Variants in LRRC14 observed in about 807,000 individuals in gnomAD.
LRRC14 encodes leucine rich repeat containing 14.
In LRRC14, 16 loss-of-function variants were observed where a neutral mutation model predicts 25.3. The observed-to-expected ratio is 0.63, with a 90% CI of 0.43 to 0.96. The LOEUF (loss-of-function observed/expected upper bound fraction) is 0.96, where lower values mean the gene tolerates loss of function less well. Ranked by LOEUF, LRRC14 falls within the 40% of genes least tolerant of loss-of-function variation. The probability of loss-of-function intolerance (pLI) is 0.00; values close to 1 mark genes in which losing one functional copy is unlikely to be tolerated. For synonymous variants in LRRC14, 359 were observed against 295.1 expected, an observed-to-expected ratio of 1.22 and a Z score of -2.22; for missense variants, 594 against 660.5, an observed-to-expected ratio of 0.90 and a Z score of 1.10.
Position 144,522,898 on chromosome 8 carries a change from C to G in LRRC14, c.*1420C>G, listed in dbSNP as rs995278032. ...GGCGGGCGGCCGGAGGCGGCGGTTGCGCGGGCTGCTGCGGCTGCTGCCGGG... is the reference window on the plus strand; with the variant it reads ...GGCGGGCGGCCGGAGGCGGCGGTTGGGCGGGCTGCTGCGGCTGCTGCCGGG... On this transcript the variant is annotated 3_prime_UTR_variant, in exon 4 of 4. Transcript: ENST00000292524. 1.8e-5 allele frequency: 23 copies of G among 1,302,824 alleles called. No individual in the cohort carries two copies. The highest frequency in any genetic ancestry group is 2.2e-5 in the Non-Finnish European group (23 of 1,032,526). The allele number at this position is 1,302,824 out of a possible 1,614,324, so 80.7% of individuals were successfully genotyped here.
At position 144,521,507 on chromosome 8, in the gene LRRC14, G is replaced by A. The variant is rs753937659; in HGVS notation, c.*29G>A. 5.1e-6 allele frequency: 8 copies of A among 1,571,350 alleles called. No homozygotes were observed. Among genetic ancestry groups the A allele is most frequent in the African/African-American group, 2.7e-5 (2 of 74,374 alleles). On this transcript the variant is annotated 3_prime_UTR_variant, in exon 4 of 4. Coordinates refer to ENST00000292524, the MANE Select transcript of LRRC14 (RefSeq NM_014665.4). ...AGTAGCTCTGGGTGAGACACAGGCC[G>A]CCCTGCAGTCTCTTTAGGTAGGCAG...
At position 144,521,272 on chromosome 8, in the gene LRRC14, G is replaced by C. The variant is rs1178331948; in HGVS notation, c.1276G>C (p.Val426Leu). The change falls in exon 4 of 4, where the codon GTG (valine) becomes CTG (leucine). Residue 426 changes from valine (V) to leucine (L), a missense_variant. Transcript: ENST00000292524. ...AGTGGCACAGGCTGAGCTGCGTACT[G>C]TGGTGCACCCCTTCCCTGTGGACTG... ...DSVAQAELRT[V>L]VHPFPVDCYE... 6.2e-7 allele frequency: 1 copy of C among 1,613,056 alleles called. No homozygotes were observed. Among genetic ancestry groups the C allele is most frequent in the African/African-American group, 1.3e-5 (1 of 74,938 alleles).
Position 144,521,868 on chromosome 8 carries a change from T to G in LRRC14, c.*390T>G, listed in dbSNP as rs976481357. ...CCCTTTACTGAGAGCTCAGTGCTTCTGGGGTTGAAGTTGGACAGAGGCCTG... is the reference window on the plus strand; with the variant it reads ...CCCTTTACTGAGAGCTCAGTGCTTCGGGGGTTGAAGTTGGACAGAGGCCTG... On this transcript the variant is annotated 3_prime_UTR_variant, in exon 4 of 4. Transcript: ENST00000292524. 1 of 212,258 alleles carries G rather than the reference T, an allele frequency of 4.7e-6. No individual in the cohort carries two copies. Among genetic ancestry groups the G allele is most frequent in the Non-Finnish European group, 9.5e-6 (1 of 105,164 alleles). 13.1% of individuals were successfully genotyped at this position (212,258 alleles called of 1,614,324 possible). A position where few individuals can be genotyped will look rare whatever the true frequency, so the allele number is the denominator to read the frequency against.
Position 144,522,178 on chromosome 8 carries a change from C to T in LRRC14, c.*700C>T, listed in dbSNP as rs1262269801. ...TCGGCACTGCCGGCCAGTCCTTGCT[C>T]TTCCCACCTTTCGGAGGCCCAAGAT... On this transcript the variant is annotated 3_prime_UTR_variant, in exon 4 of 4. Coordinates refer to ENST00000292524, the MANE Select transcript of LRRC14 (RefSeq NM_014665.4). The T allele has an allele frequency of 5.2e-6, 2 of 382,094 alleles. No individual in the cohort carries two copies. Among genetic ancestry groups the T allele is most frequent in the Non-Finnish European group, 9.3e-6 (2 of 215,828 alleles). The allele number at this position is 382,094 out of a possible 1,614,324, so 23.7% of individuals were successfully genotyped here. A position where few individuals can be genotyped will look rare whatever the true frequency, so the allele number is the denominator to read the frequency against.
Position 144,520,706 on chromosome 8 carries a change from C to T in LRRC14, c.798C>T (p.Ser266=), listed in dbSNP as rs551750886. Residue 266 remains serine (S), a synonymous_variant, in exon 3 of 4, where the codon TCC becomes TCT. Coordinates refer to ENST00000292524, the MANE Select transcript of LRRC14 (RefSeq NM_014665.4). Reference sequence around the variant, plus strand: ...TGCATGGGGATTCAAGGCAGCCCTCCGTGGATGGCGAGGACAACTTCCGCT... The same window carrying T: ...TGCATGGGGATTCAAGGCAGCCCTCTGTGGATGGCGAGGACAACTTCCGCT... The part of the protein sequence containing the change: ...HYVHGDSRQP[S]VDGEDNFRYF... 9.4e-6 allele frequency: 15 copies of T among 1,599,738 alleles called. No individual in the cohort carries two copies. The highest frequency in any genetic ancestry group is 2.7e-5 in the African/African-American group (2 of 75,072).
chr8:144,524,802 C>T lies in LRRC14; in HGVS notation c.*3324C>T. 1 of 1,448,852 alleles carries T rather than the reference C, an allele frequency of 6.9e-7. No homozygotes were observed. Among genetic ancestry groups the T allele is most frequent in the Non-Finnish European group, 9.1e-7 (1 of 1,104,274 alleles). The allele number at this position is 1,448,852 out of a possible 1,614,324, so 89.7% of individuals were successfully genotyped here. On this transcript the variant is annotated 3_prime_UTR_variant, in exon 4 of 4. Transcript: ENST00000292524. ...GGGGCACCCCGTCCTCCCGCAGCTC[C>T]ACACGGTGCCCACCTGCGTCCCTGG...
Position 144,524,516 on chromosome 8 carries a change from C to T in LRRC14, c.*3038C>T. The T allele has an allele frequency of 1.3e-6, 2 of 1,594,978 alleles. No homozygotes were observed. Among genetic ancestry groups the T allele is most frequent in the Non-Finnish European group, 1.7e-6 (2 of 1,178,738 alleles). ...CCAGGTAGAGCACGCGCAGCTGGGC[C>T]AGGCCTACGAAGGCGCCGCTGCGCA... On this transcript the variant is annotated 3_prime_UTR_variant, in exon 4 of 4. Transcript: ENST00000292524.
At chr8:144,518,462 G>A (rs1815621390) in intron 1 of LRRC14, 1 of 152,444 alleles carries the variant, frequency 6.6e-6, no homozygotes, top group South Asian at 2.1e-4. Context: ...GCCTCCCTTG[G>A]TGGGCAGGCC....
rs1028228542 is a variant in LRRC14 at position 144,519,607 on chromosome 8, T to G, written c.-111-8T>G. The G allele has an allele frequency of 3.5e-6, 3 of 863,922 alleles. No individual in the cohort carries two copies. Among genetic ancestry groups the G allele is most frequent in the African/African-American group, 1.7e-5 (1 of 60,236 alleles). 53.5% of individuals were successfully genotyped at this position (863,922 alleles called of 1,614,324 possible). A position where few individuals can be genotyped will look rare whatever the true frequency, so the allele number is the denominator to read the frequency against. ...CATGGCCACTGCTAACTGCTGACTT[T>G]GTTTCAGGCACTATGCTGGGCCTTC... On this transcript the variant is annotated splice_region_variant and splice_polypyrimidine_tract_variant and intron_variant, in intron 1 of 3. Transcript: ENST00000292524.
chr8:144,521,246 CAG>C lies in LRRC14; in HGVS notation c.1251_1252del (p.Val418GlyfsTer4). 1 of 1,613,282 alleles carries C rather than the reference CAG, an allele frequency of 6.2e-7. No individual in the cohort carries two copies. The highest frequency in any genetic ancestry group is 8.5e-7 in the Non-Finnish European group (1 of 1,180,028). Reference sequence around the variant, plus strand: ...GGCCTCAAGGAGCTGCTGCGGGACTCAGTGGCACAGGCTGAGCTGCGTACTGT... The same window carrying C: ...GGCCTCAAGGAGCTGCTGCGGGACTCTGGCACAGGCTGAGCTGCGTACTGT... On this transcript the variant is annotated frameshift_variant, in exon 4 of 4. Coordinates refer to ENST00000292524, the MANE Select transcript of LRRC14 (RefSeq NM_014665.4). LOFTEE classifies it high-confidence loss of function.
In LRRC14 at chr8:144,522,379, AGCGCACACTGCGCG is replaced by A; in HGVS notation, c.*904_*917del. ...CCGGCTCGCGCCCCACACACGGCTC[AGCGCACACTGCGCG>A]GCTTCCACCTTTACTGACGGAGCAT... On this transcript the variant is annotated 3_prime_UTR_variant, in exon 4 of 4. Coordinates refer to ENST00000292524, the MANE Select transcript of LRRC14 (RefSeq NM_014665.4). The A allele has an allele frequency of 7.4e-7, 1 of 1,358,694 alleles. No homozygotes were observed. The highest frequency in any genetic ancestry group is 9.4e-7 in the Non-Finnish European group (1 of 1,061,942). 84.2% of individuals were successfully genotyped at this position (1,358,694 alleles called of 1,614,324 possible). A position where few individuals can be genotyped will look rare whatever the true frequency, so the allele number is the denominator to read the frequency against.
chr8:144,521,672 T>A lies in LRRC14; in HGVS notation c.*194T>A. On this transcript the variant is annotated 3_prime_UTR_variant, in exon 4 of 4. Transcript: ENST00000292524. Reference sequence around the variant, plus strand: ...CCCACGCGGTTTTCCCTGCACTTGCTCCATAATTGGCTGATCATCTGTGGG... The same window carrying A: ...CCCACGCGGTTTTCCCTGCACTTGCACCATAATTGGCTGATCATCTGTGGG... 1 of 607,336 alleles carries A rather than the reference T, an allele frequency of 1.6e-6. No individual in the cohort carries two copies. The highest frequency in any genetic ancestry group is 2.9e-6 in the Non-Finnish European group (1 of 347,856). 37.6% of individuals were successfully genotyped at this position (607,336 alleles called of 1,614,324 possible).
Position 144,522,750 on chromosome 8 carries a change from C to T in LRRC14, c.*1272C>T, listed in dbSNP as rs1816166552. The T allele has an allele frequency of 1.3e-6, 2 of 1,585,166 alleles. No homozygotes were observed. The highest frequency in any genetic ancestry group is 1.8e-5 in the Admixed American group (1 of 56,918). On this transcript the variant is annotated 3_prime_UTR_variant, in exon 4 of 4. Transcript: ENST00000292524. ...CTGCGGCGCCGGCGACAGATCATGG[C>T]GACCAGGAGCAGCGCCGTGAGCGCC...
rs1225389266 is a variant in LRRC14, at chr8:144,522,133, CCCTTCGCGGGGCAGCCCCGT to C, written c.*657_*676del. 133 of 306,060 alleles carry C rather than the reference CCCTTCGCGGGGCAGCCCCGT, an allele frequency of 4.3e-4. 2 individuals carry two copies. The highest frequency in any genetic ancestry group is 2.6e-3 in the Middle Eastern group (3 of 1,156). The allele number at this position is 306,060 out of a possible 1,614,324, so 19.0% of individuals were successfully genotyped here. On this transcript the variant is annotated 3_prime_UTR_variant, in exon 4 of 4. Transcript: ENST00000292524. Reference sequence around the variant, plus strand: ...AACTGCCATCCAGCCTGTCGCCCCGCCCTTCGCGGGGCAGCCCCGTCGGCACTGCCGGCCAGTCCTTGCTC... The same window carrying C: ...AACTGCCATCCAGCCTGTCGCCCCGCCGGCACTGCCGGCCAGTCCTTGCTC...
At position 144,524,545 on chromosome 8, in the gene LRRC14, C is replaced by G. The variant is rs1245780314; in HGVS notation, c.*3067C>G. Reference sequence around the variant, plus strand: ...CCTACGAAGGCGCCGCTGCGCAAGCCGCGCAGCCGGTTGCTAGTGAGCGCC... The same window carrying G: ...CCTACGAAGGCGCCGCTGCGCAAGCGGCGCAGCCGGTTGCTAGTGAGCGCC... On this transcript the variant is annotated 3_prime_UTR_variant, in exon 4 of 4. Coordinates refer to ENST00000292524, the MANE Select transcript of LRRC14 (RefSeq NM_014665.4). The G allele has an allele frequency of 7.0e-6, 11 of 1,582,410 alleles. No individual in the cohort carries two copies. Among genetic ancestry groups the G allele is most frequent in the South Asian group, 1.1e-5 (1 of 89,486 alleles).
Position 144,522,954 on chromosome 8 carries a change from G to A in LRRC14, c.*1476G>A. 1 of 1,575,042 alleles carries A rather than the reference G, an allele frequency of 6.3e-7. No homozygotes were observed. The highest frequency in any genetic ancestry group is 8.6e-7 in the Non-Finnish European group (1 of 1,168,188). On this transcript the variant is annotated 3_prime_UTR_variant, in exon 4 of 4. Coordinates refer to ENST00000292524, the MANE Select transcript of LRRC14 (RefSeq NM_014665.4). ...TTGACCAGGAGCCGGAAGGGCACGCGGGCAGCGCCGCCGGCGTTGGAGGCC... is the reference window on the plus strand; with the variant it reads ...TTGACCAGGAGCCGGAAGGGCACGCAGGCAGCGCCGCCGGCGTTGGAGGCC...
chr8:144,523,985 A>G lies in LRRC14; in HGVS notation c.*2507A>G. 8.9e-7 allele frequency: 1 copy of G among 1,119,950 alleles called. No homozygotes were observed. Among genetic ancestry groups the G allele is most frequent in the Non-Finnish European group, 1.3e-6 (1 of 782,102 alleles). 69.4% of individuals were successfully genotyped at this position (1,119,950 alleles called of 1,614,324 possible). ...TCCCGCAGCCCTCCAGTGTGGCTGC[A>G]GGCGGTGGTGCAGCCTTCCAGACTG... is the stretch of plus-strand genomic sequence containing the variant. On this transcript the variant is annotated 3_prime_UTR_variant, in exon 4 of 4. Transcript: ENST00000292524.
In LRRC14 at chr8:144,521,022, C is replaced by T. The variant is rs756050011; in HGVS notation, c.1026C>T (p.Asp342=). 1.9e-6 allele frequency: 3 copies of T among 1,613,010 alleles called. No homozygotes were observed. The highest frequency in any genetic ancestry group is 2.5e-6 in the Non-Finnish European group (3 of 1,180,026). ...ATGCTGCCCACCTCAAGAAGTTGGA[C>T]CTGAGTGGTAACGACCTGTCTGGCA... ...SPHAAHLKKL[D]LSGNDLSGSQ... The change falls in exon 4 of 4, where the codon GAC becomes GAT. Residue 342 remains aspartate, a synonymous_variant. Transcript: ENST00000292524.
Position 144,522,344 on chromosome 8 carries a change from T to C in LRRC14, c.*866T>C. 4 of 1,291,890 alleles carry C rather than the reference T, an allele frequency of 3.1e-6. No homozygotes were observed. The highest frequency in any genetic ancestry group is 4.0e-5 in the South Asian group (2 of 49,566). The allele number at this position is 1,291,890 out of a possible 1,614,324, so 80.0% of individuals were successfully genotyped here. ...CCATTGCTACCCCAGGATTCCCGAG[T>C]GCAACGTTCCCGGCTCGCGCCCCAC... On this transcript the variant is annotated 3_prime_UTR_variant, in exon 4 of 4. Transcript: ENST00000292524.
Sources: gnomAD v4.1 joint callset for allele counts on GRCh38, gnomAD v4.1.1 for gene constraint, MANE v1.5 for transcripts, NCBI Gene and HGNC (gene_info 2026-07-23, HGNC 2026-07-21) for gene names.